Variants in PCDHA4 observed in about 807,000 individuals in gnomAD.
PCDHA4 encodes the protein protocadherin alpha-4.
Under a neutral mutation model 61.4 loss-of-function variants are expected in PCDHA4, and 49 were observed. The ratio of observed to expected loss-of-function variants is 0.80; its 90% CI spans 0.63 to 1.01. The LOEUF (loss-of-function observed/expected upper bound fraction) is 1.01. Ranked by LOEUF, PCDHA4 falls within the 50% of genes least tolerant of loss-of-function variation. PCDHA4 has a pLI of 0.00. For synonymous variants in PCDHA4, 590 were observed against 550.3 expected, an observed-to-expected ratio of 1.07 and a Z score of -1.01; for missense variants, 1,254 against 1,235.8, an observed-to-expected ratio of 1.01 and a Z score of -0.22.
intron 1 of PCDHA4, chr5:140,966,656 G>A: frequency 8.3e-7 from 1 of 1,203,372 alleles, no homozygotes; most frequent in East Asian, 3.0e-5. Flanking sequence ...GTGAGCGGTG[G>A]GGGAGCAGGC....
intron 1 of PCDHA4, among the ~76,000 whole-genome samples, chr5:140,898,608 T>G (rs1208473607): frequency 7.2e-5 from 11 of 152,362 alleles, no homozygotes; most frequent in African/African-American, 2.6e-4. Flanking sequence ...TAGTATAGTT[T>G]GAAGTCAGGT....
chr5:140,841,145 T>C, intron 1 of PCDHA4: 1 of 756,386 alleles, frequency 1.3e-6, no homozygotes, highest in Non-Finnish European at 2.1e-6. Flanking sequence ...CCACATGATG[T>C]CGCTGTCTAC....
At chr5:140,862,290 A>G (rs1423685229) in intron 1 of PCDHA4, 3 of 265,086 alleles carry the variant, frequency 1.1e-5, no homozygotes, top group Admixed American at 4.8e-5. Flanking sequence ...GTACAGGAGG[A>G]CGCTCCACTG....
At chr5:140,888,843 G>T (rs2153425504) in intron 1 of PCDHA4, among the ~76,000 whole-genome samples, 1 of 152,082 alleles carries the variant, frequency 6.6e-6, no homozygotes, top group East Asian at 1.9e-4. Context: ...ACTGCAGCCT[G>T]GTGACAGAGT....
intron 1 of PCDHA4, chr5:140,966,920 C>G: frequency 6.2e-7 from 1 of 1,602,674 alleles, no homozygotes; most frequent in Non-Finnish European, 8.5e-7. Flanking sequence ...GCCAGAGGAG[C>G]AGGCACCCGG....
chr5:140,823,421 C>A (rs2150125700), intron 1 of PCDHA4: 2 of 1,613,278 alleles, frequency 1.2e-6, no homozygotes, highest in South Asian at 1.1e-5. Context: ...AGCAACGTGA[C>A]GCTGCAGGTG....
intron 1 of PCDHA4, among the ~76,000 whole-genome samples, chr5:140,951,551 A>T (rs246040): frequency 0.31 from 47,721 of 151,608 alleles, 7,835 homozygotes; most frequent in East Asian, 0.53. Flanking sequence ...GACGGGGGGA[A>T]GTGCTACGCA....
intron 1 of PCDHA4, among the ~76,000 whole-genome samples, chr5:140,972,015 G>A (rs782728118): frequency 2.6e-5 from 4 of 152,004 alleles, no homozygotes; most frequent in Admixed American, 6.5e-5. Context: ...CCTTTTATAT[G>A]GGATATTCAG....
At chr5:140,835,882 G>A (rs1166974775) in intron 1 of PCDHA4, 4 of 1,611,972 alleles carry the variant, frequency 2.5e-6, no homozygotes, top group Non-Finnish European at 2.5e-6. Flanking sequence ...CTGCGGGTGG[G>A]CGAGCGCGCG....
intron 1 of PCDHA4, chr5:140,857,943 C>G: frequency 6.3e-7 from 1 of 1,597,460 alleles, no homozygotes. Context: ...GAGATCAGTA[C>G]GACGCGCGCT....
chr5:140,915,626 GTCTCTCTCTCTC>G (rs57920489), intron 1 of PCDHA4, among the ~76,000 whole-genome samples: 39 of 146,434 alleles, frequency 2.7e-4, no homozygotes, highest in African/African-American at 9.6e-4. Context: ...GTCTCTTTCT[GTCTCTCTCTCTC>G]TCTCTCTCTC....
In PCDHA4 at chr5:140,808,485, C is replaced by G. The variant is rs782357684; in HGVS notation, c.1298C>G (p.Pro433Arg). 12 of 1,614,058 alleles carry G rather than the reference C, an allele frequency of 7.4e-6. No individual in the cohort carries two copies. The highest frequency in any genetic ancestry group is 1.0e-5 in the Non-Finnish European group (12 of 1,180,062). Residue 433 changes from proline to arginine, a missense_variant, in exon 1 of 4, where the codon CCT (proline) becomes CGT (arginine). Pro to Arg is a moderately radical substitution (Grantham distance 103). Transcript: ENST00000530339. ...LVVTARDGGS[P>R]SLWATASVSV... ...GTGACCGCGCGAGACGGGGGCTCGCCTTCGCTGTGGGCCACGGCCAGTGTT... is the reference window on the plus strand; with the variant it reads ...GTGACCGCGCGAGACGGGGGCTCGCGTTCGCTGTGGGCCACGGCCAGTGTT...
At chr5:140,970,082 G>C (rs1203003794) in intron 1 of PCDHA4, among the ~76,000 whole-genome samples, 1 of 152,178 alleles carries the variant, frequency 6.6e-6, no homozygotes, top group Non-Finnish European at 1.5e-5. Context: ...TGGATTAGGG[G>C]TGTGGGGGGA....
chr5:140,950,536 T>A (rs182006309), intron 1 of PCDHA4, among the ~76,000 whole-genome samples: 1 of 152,222 alleles, frequency 6.6e-6, no homozygotes, highest in East Asian at 1.9e-4. Flanking sequence ...TTTTTGTTGC[T>A]CTTGCATGGC....
At chr5:140,817,217 C>T (rs1766091196) in intron 1 of PCDHA4, 1 of 152,288 alleles carries the variant, frequency 6.6e-6, no homozygotes, top group Admixed American at 6.5e-5. Flanking sequence ...TTTACTTTCT[C>T]TTTCCCTTCT....
At chr5:140,990,134 CAA>C (rs2097375582) in intron 3 of PCDHA4, among the ~76,000 whole-genome samples, 2 of 151,958 alleles carry the variant, frequency 1.3e-5, no homozygotes, top group Non-Finnish European at 2.9e-5. Flanking sequence ...AAGTCAGACT[CAA>C]GAGGCATAAT....
intron 1 of PCDHA4, among the ~76,000 whole-genome samples, chr5:140,974,660 C>T (rs529524485): frequency 2.6e-5 from 4 of 152,116 alleles, no homozygotes; most frequent in South Asian, 2.1e-4. Flanking sequence ...TACAGGCATG[C>T]GCCACCATGC....
chr5:140,869,973 C>G, intron 1 of PCDHA4: 2 of 1,613,100 alleles, frequency 1.2e-6, no homozygotes, highest in African/African-American at 1.3e-5. Flanking sequence ...ATGGAAGACA[C>G]TTATTTACAC....
At chr5:140,968,923 T>C in intron 1 of PCDHA4, 1 of 1,614,212 alleles carries the variant, frequency 6.2e-7, no homozygotes, top group Non-Finnish European at 8.5e-7. Flanking sequence ...CTTTTATATT[T>C]CTTTTGACAA....
Sources: gnomAD v4.1 joint callset for allele counts (sites outside exome capture counted in the v4.1 genomes callset) on GRCh38, gnomAD v4.1.1 for gene constraint, MANE v1.5 for transcripts, NCBI Gene and HGNC (gene_info 2026-07-23, HGNC 2026-07-21) for gene names.